The following TMEM233 variants were observed in gnomAD, a reference collection of about 807,000 sequenced individuals.
TMEM233 encodes dispanin subfamily B member 2.
A neutral mutation model predicts 11.2 loss-of-function variants in TMEM233; 6 were observed. The observed-to-expected ratio is 0.54, with a 90% CI of 0.29 to 1.06. The LOEUF is 1.06. TMEM233 is among the 50% of genes least tolerant of loss of function. TMEM233 has a pLI of 0.08. For missense variants in TMEM233, 127 were observed against 144.7 expected, an observed-to-expected ratio of 0.88 and a Z score of 0.63; for synonymous variants, 59 against 55.8, an observed-to-expected ratio of 1.06 and a Z score of -0.26.
At chr12:119,647,524 A>G (rs1955169566), downstream of TMEM233, among the ~76,000 whole-genome samples, 1 of 152,214 alleles carries the variant, frequency 6.6e-6, no homozygotes, top group African/African-American at 2.4e-5. Context: ...TATGGGCTCT[A>G]GTGCCAGCGA....
Position 119,638,136 on chromosome 12 carries a change from C to T in TMEM233, c.324-2563C>T, listed in dbSNP as rs375796145. Among the ~76,000 whole-genome samples the T allele has an allele frequency of 3.9e-5, 6 of 152,302 alleles. No individual in the cohort carries two copies. In the East Asian group the frequency reaches 5.8e-4, roughly 15 times the overall value. On this transcript the variant is annotated intron_variant, in intron 2 of 2. Coordinates refer to ENST00000426426, the MANE Select transcript of TMEM233 (RefSeq NM_001136534.3). ...ACACAGTAATGCTTCACCCTAGCTA[C>T]GTGTTAGAATCACCTGGGGAGCTTT...
chr12:119,648,648 C>T, the TMEM233 span, among the ~76,000 whole-genome samples: 1 of 152,204 alleles, frequency 6.6e-6, no homozygotes, highest in Non-Finnish European at 1.5e-5. Flanking sequence ...GATCATGAGC[C>T]CCCATGAGGG....
In TMEM233 at chr12:119,593,971, C is replaced by T; in HGVS notation, c.123C>T (p.Thr41=). 1 of 1,551,766 alleles carries T rather than the reference C, an allele frequency of 6.4e-7. No individual in the cohort carries two copies. The highest frequency in any genetic ancestry group is 8.7e-7 in the Non-Finnish European group (1 of 1,146,994). The change falls in exon 1 of 3, where the codon ACC becomes ACT. Residue 41 remains threonine, a synonymous_variant. Transcript: ENST00000426426. The surrounding 1 kb of genome is among the most constrained non-coding windows in gnomAD (Gnocchi z 4.1). The stretch of plus-strand genomic sequence containing the variant: ...TGCCCAAGAACTACCTGTGGCTCAC[C>T]ATCGTCTCGTGTTTTTGCCCTGCGT... ...VPMPKNYLWL[T]IVSCFCPAYP... is the part of the protein sequence containing the mutation.
intron 2 of TMEM233, among the ~76,000 whole-genome samples, chr12:119,632,114 T>G (rs1954897161): frequency 2.6e-5 from 4 of 152,326 alleles, no homozygotes; most frequent in Non-Finnish European, 5.9e-5. Flanking sequence ...TTGAGCTAAG[T>G]GGGTTATAAT....
chr12:119,624,482 T>G (rs1954709628), intron 1 of TMEM233, among the ~76,000 whole-genome samples: 1 of 152,168 alleles, frequency 6.6e-6, no homozygotes, highest in Non-Finnish European at 1.5e-5. Context: ...ATCCCTACAA[T>G]GGAGTATTGT....
chr12:119,640,790 T>A lies in TMEM233; in HGVS notation c.*85T>A. The stretch of plus-strand genomic sequence containing the variant: ...AAGGAGTTTCTAAGGAATGGATCCT[T>A]GACTTCAGACTGTGAGATCTTTTCC... On this transcript the variant is annotated 3_prime_UTR_variant, in exon 3 of 3. Coordinates refer to ENST00000426426, the MANE Select transcript of TMEM233 (RefSeq NM_001136534.3). The A allele has an allele frequency of 6.8e-7, 1 of 1,466,082 alleles. No homozygotes were observed. 90.8% of individuals were successfully genotyped at this position (1,466,082 alleles called of 1,614,324 possible). A position where few individuals can be genotyped will look rare whatever the true frequency, so the allele number is the denominator to read the frequency against.
intron 1 of TMEM233, among the ~76,000 whole-genome samples, chr12:119,600,154 T>A: frequency 7.4e-6 from 1 of 134,398 alleles, no homozygotes; most frequent in African/African-American, 2.8e-5. Context: ...TTATCAGACA[T>A]ATGAAAAACT....
intron 1 of TMEM233, among the ~76,000 whole-genome samples, chr12:119,599,896 A>C (rs1954124861): frequency 1.3e-5 from 2 of 152,270 alleles, no homozygotes; most frequent in African/African-American, 4.8e-5. Flanking sequence ...TTAGGTGCCA[A>C]GCTGAAAACG....
intron 1 of TMEM233, among the ~76,000 whole-genome samples, chr12:119,603,886 C>G (rs1954215505): frequency 6.6e-6 from 1 of 152,232 alleles, no homozygotes; most frequent in African/African-American, 2.4e-5. Flanking sequence ...CTTCCCTTCC[C>G]CAACTGTGTT....
intron 1 of TMEM233, among the ~76,000 whole-genome samples, chr12:119,615,173 T>C (rs1254178256): frequency 1.8e-5 from 1 of 56,184 alleles, no homozygotes; most frequent in Non-Finnish European, 3.1e-5. Context: ...CGCTTTCTGC[T>C]AAAAAAAAAA....
Position 119,608,016 on chromosome 12 carries a change from G to A in TMEM233, c.186+13982G>A, listed in dbSNP as rs564965941. Reference sequence around the variant, plus strand: ...GCTTTTATTCTGATATTTTATTCTAGTCTTGAAGATCATTGAGGACAGAGA... The same window carrying A: ...GCTTTTATTCTGATATTTTATTCTAATCTTGAAGATCATTGAGGACAGAGA... On this transcript the variant is annotated intron_variant, in intron 1 of 2. Transcript: ENST00000426426. Among the ~76,000 whole-genome samples, 115 of 152,292 alleles carry A rather than the reference G, an allele frequency of 7.6e-4. 1 individual carries two copies. The highest frequency in any genetic ancestry group is 2.7e-3 in the African/African-American group (112 of 41,568).
At chr12:119,621,978 C>G (rs1954653009) in intron 1 of TMEM233, among the ~76,000 whole-genome samples, 1 of 152,140 alleles carries the variant, frequency 6.6e-6, no homozygotes, top group African/African-American at 2.4e-5. Flanking sequence ...ATTACAATAT[C>G]CACAAAGGAA....
intron 1 of TMEM233, among the ~76,000 whole-genome samples, chr12:119,617,730 G>A (rs1954564873): frequency 1.3e-5 from 2 of 152,152 alleles, no homozygotes; most frequent in African/African-American, 2.4e-5. Context: ...CTACTCGGGA[G>A]GCTGAGGCAA....
chr12:119,612,352 C>A (rs1046778443), intron 1 of TMEM233, among the ~76,000 whole-genome samples: 2 of 152,098 alleles, frequency 1.3e-5, no homozygotes, highest in African/African-American at 2.4e-5. Context: ...CAGTGACTCA[C>A]ACCTGTAATC....
At chr12:119,614,237 T>C (rs1282752660) in intron 1 of TMEM233, among the ~76,000 whole-genome samples, 1 of 151,986 alleles carries the variant, frequency 6.6e-6, no homozygotes, top group Admixed American at 6.6e-5. Context: ...TGAAAGCCCA[T>C]CTCTAATAAA....
the TMEM233 span, among the ~76,000 whole-genome samples, chr12:119,653,982 A>C: frequency 6.6e-6 from 1 of 151,820 alleles, no homozygotes; most frequent in Non-Finnish European, 1.5e-5. Flanking sequence ...AAAAAAAAAA[A>C]AAACAAAAAC....
intron 1 of TMEM233, 94 bp from the exon 2 acceptor site, chr12:119,629,642 C>T (rs1256260734): frequency 3.8e-6 from 5 of 1,321,074 alleles, no homozygotes; most frequent in African/African-American, 1.5e-5. Context: ...CACCAGAGAG[C>T]TCTTGGAACC....
chr12:119,633,364 G>A (rs557746260), intron 2 of TMEM233, among the ~76,000 whole-genome samples: 2 of 152,160 alleles, frequency 1.3e-5, no homozygotes, highest in South Asian at 4.1e-4. Context: ...AGGATCTCTT[G>A]AGGCCAGGAG....
chr12:119,633,869 G>A (rs1954929157), intron 2 of TMEM233, among the ~76,000 whole-genome samples: 1 of 152,124 alleles, frequency 6.6e-6, no homozygotes, highest in Non-Finnish European at 1.5e-5. Flanking sequence ...GAGTTACCTG[G>A]AGAGGTTTTA....
Sources: allele counts gnomAD v4.1 joint callset (sites outside exome capture counted in the v4.1 genomes callset), GRCh38; gene constraint gnomAD v4.1.1; non-coding constraint Gnocchi (gnomAD v3.1); transcripts MANE v1.5; gene names NCBI Gene and HGNC (gene_info 2026-07-23, HGNC 2026-07-21).